The following GALNT13 variants were observed in gnomAD, a reference collection of about 807,000 sequenced individuals.
GALNT13 encodes the protein UDP-GalNAc:polypeptide N-acetylgalactosaminyltransferase 13.
In GALNT13, 28 loss-of-function variants were observed where a neutral mutation model predicts 64.2. The ratio of observed to expected loss-of-function variants is 0.44; its 90% CI spans 0.32 to 0.60. The LOEUF (loss-of-function observed/expected upper bound fraction) is 0.60. GALNT13 is among the 20% of genes least tolerant of loss of function. GALNT13 has a pLI of 0.05. For synonymous variants in GALNT13, 214 were observed against 224.6 expected, an observed-to-expected ratio of 0.95 and a Z score of 0.42; for missense variants, 577 against 669.8, an observed-to-expected ratio of 0.86 and a Z score of 1.53.
At chr2:154,361,063 TAA>T in intron 9 of GALNT13, among the ~76,000 whole-genome samples, 1 of 152,052 alleles carries the variant, frequency 6.6e-6, no homozygotes, top group East Asian at 1.9e-4. Flanking sequence ...GGGAAGAAAG[TAA>T]AGTGATCTTG....
chr2:154,137,149 G>A (rs1574575787), intron 3 of GALNT13, among the ~76,000 whole-genome samples: 1 of 141,316 alleles, frequency 7.1e-6, no homozygotes, highest in East Asian at 4.4e-4. Flanking sequence ...TATGCTATTT[G>A]AAGAATTAGA....
intron 3 of GALNT13, among the ~76,000 whole-genome samples, chr2:154,035,948 A>G (rs543748903): frequency 1.3e-5 from 2 of 152,128 alleles, no homozygotes; most frequent in South Asian, 2.1e-4. Flanking sequence ...TGATAGACTT[A>G]TATCTTTTAG....
At chr2:153,999,500 T>C (rs1695753240) in intron 3 of GALNT13, among the ~76,000 whole-genome samples, 1 of 152,116 alleles carries the variant, frequency 6.6e-6, no homozygotes, top group Non-Finnish European at 1.5e-5. Flanking sequence ...CTATGCCTAA[T>C]TCATTGAGAA....
chr2:154,052,256 T>C (rs958697015), intron 3 of GALNT13, among the ~76,000 whole-genome samples: 5 of 152,136 alleles, frequency 3.3e-5, no homozygotes, highest in Non-Finnish European at 7.3e-5. Context: ...GAAAAAAATA[T>C]CATAACCAAG....
At chr2:154,231,270 G>T (rs1559038565) in intron 4 of GALNT13, among the ~76,000 whole-genome samples, 1 of 151,854 alleles carries the variant, frequency 6.6e-6, no homozygotes, top group Non-Finnish European at 1.5e-5. Context: ...CCTGTCAAAG[G>T]CAATTTCTTT....
chr2:153,161,466 A>G, the GALNT13 span, among the ~76,000 whole-genome samples: 3 of 152,224 alleles, frequency 2.0e-5, no homozygotes, highest in Non-Finnish European at 4.4e-5. Flanking sequence ...TATAATATTT[A>G]AAATGTGTAA....
chr2:154,043,455 T>TATATATATACACATACAC (rs1341373277), intron 3 of GALNT13, among the ~76,000 whole-genome samples: 6 of 105,000 alleles, frequency 5.7e-5, no homozygotes, highest in Admixed American at 2.0e-4. Flanking sequence ...TATATATATA[T>TATATATATACACATACAC]ACACACATGT....
intron 8 of GALNT13, among the ~76,000 whole-genome samples, chr2:154,293,777 A>G: frequency 6.6e-6 from 1 of 152,188 alleles, no homozygotes. Flanking sequence ...TGAGGGTACA[A>G]TAAAGGAAAT....
chr2:154,427,994 T>C (rs1468435286), intron 11 of GALNT13, among the ~76,000 whole-genome samples: 1 of 152,232 alleles, frequency 6.6e-6, no homozygotes, highest in Admixed American at 6.5e-5. Context: ...TAAACAGTTA[T>C]CTCTTTGATT....
At chr2:154,174,488 C>A (rs988298767) in intron 4 of GALNT13, among the ~76,000 whole-genome samples, 1 of 152,056 alleles carries the variant, frequency 6.6e-6, no homozygotes, top group Non-Finnish European at 1.5e-5. Context: ...CATAACAGTT[C>A]CATGAGCAAG....
intron 11 of GALNT13, among the ~76,000 whole-genome samples, chr2:154,410,801 A>G (rs1456492455): frequency 6.6e-6 from 1 of 151,952 alleles, no homozygotes; most frequent in East Asian, 1.9e-4. Flanking sequence ...AAGAAACACT[A>G]CTTATGAAAT....
chr2:153,116,357 C>A, the GALNT13 span, among the ~76,000 whole-genome samples: 1 of 152,008 alleles, frequency 6.6e-6, no homozygotes, highest in African/African-American at 2.4e-5. Flanking sequence ...CGGACTGGAA[C>A]ATATAATGTA....
chr2:153,890,649 C>T (rs1574054322), intron 1 of GALNT13, among the ~76,000 whole-genome samples: 2 of 151,984 alleles, frequency 1.3e-5, no homozygotes, highest in African/African-American at 4.8e-5. Flanking sequence ...GTTAGAATGG[C>T]ACAACAACAA....
the GALNT13 span, among the ~76,000 whole-genome samples, chr2:153,399,440 G>T: frequency 4.6e-5 from 7 of 152,216 alleles, no homozygotes; most frequent in South Asian, 1.2e-3. Context: ...CTTTAAAGTA[G>T]TTTTTTCCAA....
At chr2:153,686,673 C>A in the GALNT13 span, among the ~76,000 whole-genome samples, 1 of 151,988 alleles carries the variant, frequency 6.6e-6, no homozygotes, top group Non-Finnish European at 1.5e-5. Context: ...ACATACAATA[C>A]TATGTTGAAT....
At chr2:153,641,230 C>T in the GALNT13 span, among the ~76,000 whole-genome samples, 7 of 152,076 alleles carry the variant, frequency 4.6e-5, no homozygotes, top group Non-Finnish European at 1.0e-4. Context: ...CTAATGTAAG[C>T]GTAAGAGCCA....
intron 2 of GALNT13, among the ~76,000 whole-genome samples, chr2:153,915,938 G>A (rs185749634): frequency 2.4e-4 from 37 of 152,224 alleles, no homozygotes; most frequent in Non-Finnish European, 4.1e-4. Flanking sequence ...ACTGTTGCAC[G>A]TAGTGTTGTA....
chr2:153,997,513 G>C (rs886831170), intron 3 of GALNT13, among the ~76,000 whole-genome samples: 9 of 151,984 alleles, frequency 5.9e-5, no homozygotes, highest in Non-Finnish European at 8.8e-5. Flanking sequence ...TAGATTTTCT[G>C]TGTTTATTTT....
At chr2:153,397,885 A>T in the GALNT13 span, among the ~76,000 whole-genome samples, 2 of 152,106 alleles carry the variant, frequency 1.3e-5, no homozygotes, top group Non-Finnish European at 2.9e-5. Context: ...CTTACCTGAA[A>T]ACTTGCTGAA....
Sources: allele counts gnomAD v4.1 joint callset (sites outside exome capture counted in the v4.1 genomes callset), GRCh38; gene constraint gnomAD v4.1.1; transcripts MANE v1.5; gene names NCBI Gene and HGNC (gene_info 2026-07-23, HGNC 2026-07-21).